The following PLEKHA5 variants were observed in gnomAD, a reference collection of about 807,000 sequenced individuals.
PLEKHA5 encodes the protein pleckstrin homology domain containing A5.
Under a neutral mutation model 181.9 loss-of-function variants are expected in PLEKHA5, and 55 were observed. That is an observed-to-expected ratio of 0.30 (90% CI 0.24 to 0.38). The LOEUF (loss-of-function observed/expected upper bound fraction) is 0.38, where lower values mean the gene tolerates loss of function less well. PLEKHA5 is among the 10% of genes least tolerant of loss of function. The pLI, the probability that PLEKHA5 is intolerant of heterozygous loss-of-function variation, is 1.00. For synonymous variants in PLEKHA5, 535 were observed against 529.4 expected (o/e 1.01, Z -0.15); for missense variants, 1,432 against 1,549.5 (o/e 0.92, Z 1.27).
chr12:19,300,703 T>C (rs1592379973), intron 15 of PLEKHA5, among the ~76,000 whole-genome samples: 2 of 152,306 alleles, frequency 1.3e-5, no homozygotes, highest in East Asian at 3.9e-4. Flanking sequence ...GGTGTCATTA[T>C]GTTGTTGAAA....
At position 19,366,094 on chromosome 12, in the gene PLEKHA5, A is replaced by C. The variant is rs1340694068; in HGVS notation, c.3739A>C (p.Asn1247His). The change falls in exon 30 of 32, where the codon AAT becomes CAT. Residue 1247 changes from asparagine to histidine, a missense_variant. Physicochemically the swap from Asn to His is moderately conservative, Grantham distance 68. This residue lies in a region of PLEKHA5 where 1,143 missense variants were observed against 1,168.4 expected (regional missense o/e 0.98). Coordinates refer to ENST00000429027, the MANE Select transcript of PLEKHA5 (RefSeq NM_001256470.2). ...ATCAACTCCTGAGGTTTCTAGAGGA[A>C]ATCAAACAATGGCAGGTAGGTAGTA... ...YESTPEVSRG[N>H]QTMAVKSLSP... 5 of 1,611,210 alleles carry C rather than the reference A, an allele frequency of 3.1e-6. No individual in the cohort carries two copies. Among genetic ancestry groups the C allele is most frequent in the Non-Finnish European group, 4.2e-6 (5 of 1,178,798 alleles).
At chr12:19,329,612 T>C (rs1322615834) in intron 20 of PLEKHA5, among the ~76,000 whole-genome samples, 1 of 152,196 alleles carries the variant, frequency 6.6e-6, no homozygotes, top group Admixed American at 6.5e-5. Context: ...TTTTCTAGTT[T>C]GTGTGCATAG....
At chr12:19,258,623 G>A (rs1239972344) in intron 6 of PLEKHA5, among the ~76,000 whole-genome samples, 1 of 147,710 alleles carries the variant, frequency 6.8e-6, no homozygotes, top group African/African-American at 2.5e-5. Context: ...GGAGGGCAGC[G>A]GTGTGATCTC....
intron 12 of PLEKHA5, among the ~76,000 whole-genome samples, chr12:19,285,258 G>A (rs908634421): frequency 6.6e-6 from 1 of 152,124 alleles, no homozygotes; most frequent in Non-Finnish European, 1.5e-5. Flanking sequence ...AATGTGTATG[G>A]TCTAACAATT....
chr12:19,193,913 A>G (rs2051915263), intron 3 of PLEKHA5, among the ~76,000 whole-genome samples: 5 of 152,140 alleles, frequency 3.3e-5, no homozygotes, highest in Admixed American at 3.3e-4. Context: ...AGGAGCTTTA[A>G]AAGAAAGAAT....
chr12:19,167,482 C>T (rs1393064984), intron 3 of PLEKHA5, among the ~76,000 whole-genome samples: 6 of 121,144 alleles, frequency 5.0e-5, no homozygotes, highest in African/African-American at 6.2e-5. Flanking sequence ...TTTGTGTGTG[C>T]GTGATTCTTA....
chr12:19,370,600 T>C (rs2095550198), intron 31 of PLEKHA5: 1 of 152,184 alleles, frequency 6.6e-6, no homozygotes. Context: ...TTTGGTGCTT[T>C]AGGATTACCA....
At chr12:19,234,911 ATTATC>A (rs1214039628) in intron 3 of PLEKHA5, among the ~76,000 whole-genome samples, 1 of 151,922 alleles carries the variant, frequency 6.6e-6, no homozygotes, top group Non-Finnish European at 1.5e-5. Context: ...TATGTTTTTT[ATTATC>A]TTTTAGTTTC....
chr12:19,292,578 T>C (rs913930586), intron 15 of PLEKHA5, among the ~76,000 whole-genome samples: 1 of 152,044 alleles, frequency 6.6e-6, no homozygotes, highest in Non-Finnish European at 1.5e-5. Flanking sequence ...TATAGGAGGC[T>C]CACATTCCTA....
At chr12:19,343,290 T>C in intron 21 of PLEKHA5, 33 bp from the exon 22 acceptor site, 2 of 1,254,838 alleles carry the variant, frequency 1.6e-6, no homozygotes, top group Middle Eastern at 1.9e-4. Flanking sequence ...TGATTTTTTT[T>C]CTTATATATG....
chr12:19,254,004 AT>A lies in PLEKHA5; in HGVS notation c.297del (p.Phe99LeufsTer2). On this transcript the variant is annotated frameshift_variant, in exon 4 of 32. Transcript: ENST00000429027. LOFTEE classifies it high-confidence loss of function. ...AGGACAACCATCACAGGACAATTGTATTTTTGTAGTGAATGAACAGTAAGTA... is the reference window on the plus strand; with the variant it reads ...AGGACAACCATCACAGGACAATTGTATTTTGTAGTGAATGAACAGTAAGTA... The part of the protein sequence containing the change: ...VTGQPSQDNC[I>X]FVVNEQTVAT... The A allele has an allele frequency of 6.2e-7, 1 of 1,602,562 alleles. No individual in the cohort carries two copies.
chr12:19,252,013 T>C (rs2065462449), intron 3 of PLEKHA5, among the ~76,000 whole-genome samples: 1 of 152,290 alleles, frequency 6.6e-6, no homozygotes, highest in East Asian at 1.9e-4. Flanking sequence ...TATTAACAGA[T>C]GGCTCTATGT....
chr12:19,232,253 T>C (rs1033152028), intron 3 of PLEKHA5, among the ~76,000 whole-genome samples: 1 of 152,170 alleles, frequency 6.6e-6, no homozygotes, highest in South Asian at 2.1e-4. Flanking sequence ...TTGGTTATGC[T>C]GATTGTTCCT....
rs567596384 is a variant in PLEKHA5, at chr12:19,257,389, A to T, written c.433-44A>T. The T allele has an allele frequency of 9.1e-6, 8 of 878,732 alleles. No individual in the cohort carries two copies. The African/African-American group carries it at 1.2e-4, about 13-fold the overall frequency. The allele number at this position is 878,732 out of a possible 1,614,324, so 54.4% of individuals were successfully genotyped here. ...AAGAGGAAGATAAGCTCAAATCTCT[A>T]GGCATTAATACCACATTTTCTGTCA... On this transcript the variant is annotated intron_variant, in intron 5 of 31. Transcript: ENST00000429027.
At chr12:19,132,715 T>A (rs138444999) in intron 3 of PLEKHA5, among the ~76,000 whole-genome samples, 1 of 151,930 alleles carries the variant, frequency 6.6e-6, no homozygotes, top group East Asian at 1.9e-4. Context: ...AATAATTTTG[T>A]ATCTTCGTTT....
chr12:19,337,818 G>A (rs1465005669), intron 21 of PLEKHA5, among the ~76,000 whole-genome samples: 1 of 152,016 alleles, frequency 6.6e-6, no homozygotes, highest in Non-Finnish European at 1.5e-5. Flanking sequence ...AGGATCACGA[G>A]GTCAGGAGCT....
chr12:19,270,935 T>C (rs1259130834), intron 10 of PLEKHA5, among the ~76,000 whole-genome samples: 2 of 152,214 alleles, frequency 1.3e-5, no homozygotes. Flanking sequence ...GTTGATGCTG[T>C]GTATTTGTGC....
At chr12:19,306,721 G>T in intron 15 of PLEKHA5, 1 of 1,357,244 alleles carries the variant, frequency 7.4e-7, no homozygotes. Flanking sequence ...CAAGATCGAC[G>T]AACCACACCT....
At chr12:19,218,981 T>C (rs975205844) in intron 3 of PLEKHA5, among the ~76,000 whole-genome samples, 2 of 151,368 alleles carry the variant, frequency 1.3e-5, no homozygotes, top group African/African-American at 4.8e-5. Flanking sequence ...TTAGGGTACA[T>C]GTGCACATTG....
Sources: allele counts gnomAD v4.1 joint callset (sites outside exome capture counted in the v4.1 genomes callset), GRCh38; gene constraint gnomAD v4.1.1; regional missense constraint gnomAD v4.1.1; transcripts MANE v1.5; gene names NCBI Gene and HGNC (gene_info 2026-07-23, HGNC 2026-07-21).